ZSCAN30: variants seen among roughly 807,000 people sequenced by gnomAD.
The protein encoded by ZSCAN30 is zinc finger and SCAN domain-containing protein 30.
Under a neutral mutation model 44.3 loss-of-function variants are expected in ZSCAN30, and 37 were observed. The ratio of observed to expected loss-of-function variants is 0.84; its 90% CI spans 0.64 to 1.10. The LOEUF is 1.10. ZSCAN30 is among the 50% of genes least tolerant of loss of function. The pLI is 0.00. For synonymous variants in ZSCAN30, 181 were observed against 204.6 expected (o/e 0.88, Z 0.98); for missense variants, 549 against 582.6 (o/e 0.94, Z 0.59).
At chr18:35,273,154 C>T (rs1341027655) in intron 1 of ZSCAN30, among the ~76,000 whole-genome samples, 1 of 152,194 alleles carries the variant, frequency 6.6e-6, no homozygotes, top group Non-Finnish European at 1.5e-5. Context: ...ACTTTTTTAT[C>T]TTCCCAAACT....
chr18:35,267,140 G>A (rs1233603748), intron 1 of ZSCAN30: 1 of 152,240 alleles, frequency 6.6e-6, no homozygotes, highest in Non-Finnish European at 1.5e-5. Flanking sequence ...GGAGCCAAGA[G>A]GAAGGCTGAG....
At chr18:35,274,751 C>A (rs1356844920) in intron 1 of ZSCAN30, among the ~76,000 whole-genome samples, 1 of 152,102 alleles carries the variant, frequency 6.6e-6, no homozygotes, top group Non-Finnish European at 1.5e-5. Flanking sequence ...TTCTGTACTA[C>A]CTTGACAGTT....
intron 1 of ZSCAN30, among the ~76,000 whole-genome samples, chr18:35,287,941 C>G (rs912602291): frequency 2.0e-5 from 3 of 150,694 alleles, no homozygotes; most frequent in Non-Finnish European, 4.4e-5. Flanking sequence ...GGCATGATCA[C>G]CACCCACTGC....
intron 3 of ZSCAN30, chr18:35,257,508 G>C (rs1038944605): frequency 9.6e-6 from 2 of 208,274 alleles, no homozygotes; most frequent in Admixed American, 1.1e-4. Flanking sequence ...CACCACGTGA[G>C]GACACAGTGA....
At chr18:35,265,807 T>G (rs916643801) in intron 1 of ZSCAN30, among the ~76,000 whole-genome samples, 2 of 152,070 alleles carry the variant, frequency 1.3e-5, no homozygotes, top group Non-Finnish European at 2.9e-5. Context: ...AAGCAACACG[T>G]AAACACAGTG....
intron 1 of ZSCAN30, among the ~76,000 whole-genome samples, chr18:35,275,674 G>T (rs556997303): frequency 4.6e-5 from 7 of 152,004 alleles, no homozygotes; most frequent in Admixed American, 1.3e-4. Flanking sequence ...CTCTCTCCTG[G>T]ATTCTTCCTG....
At chr18:35,254,687 A>C in intron 3 of ZSCAN30, 1 of 449,054 alleles carries the variant, frequency 2.2e-6, no homozygotes, top group Non-Finnish European at 4.0e-6. Flanking sequence ...GCTAGGAGAC[A>C]ATCTTGGGTT....
At chr18:35,273,630 G>A (rs2044322279) in intron 1 of ZSCAN30, among the ~76,000 whole-genome samples, 1 of 152,148 alleles carries the variant, frequency 6.6e-6, no homozygotes, top group Non-Finnish European at 1.5e-5. Flanking sequence ...TTCCACCATT[G>A]AATGGTCTTA....
intron 1 of ZSCAN30, among the ~76,000 whole-genome samples, chr18:35,276,135 T>C (rs1005006248): frequency 2.6e-5 from 4 of 152,224 alleles, no homozygotes; most frequent in African/African-American, 7.2e-5. Flanking sequence ...CTGATTTGGA[T>C]ATCAAAGTAA....
rs1011030697 is a variant in ZSCAN30 at position 35,281,507 on chromosome 18, T to C, written c.-104+8577A>G. On this transcript the variant is annotated intron_variant, in intron 1 of 3. Transcript: ENST00000333206. Reference sequence around the variant, plus strand: ...AAAATCTACATTCATATCATCACTTTTGGGTAAAAGGTTAACAAAACACTT... The same window carrying C: ...AAAATCTACATTCATATCATCACTTCTGGGTAAAAGGTTAACAAAACACTT... 2.0e-5 allele frequency: 3 copies of C among 152,226 alleles called. No homozygotes were observed. The South Asian group carries it at 6.2e-4, about 32-fold the overall frequency. The allele number at this position is 152,226 out of a possible 1,614,324, so 9.4% of individuals were successfully genotyped here. A position where few individuals can be genotyped will look rare whatever the true frequency, so the allele number is the denominator to read the frequency against.
intron 1 of ZSCAN30, among the ~76,000 whole-genome samples, chr18:35,275,964 T>G (rs2044359981): frequency 6.6e-6 from 1 of 152,246 alleles, no homozygotes; most frequent in Non-Finnish European, 1.5e-5. Flanking sequence ...GATATGGATT[T>G]GGTTGATTTT....
At chr18:35,271,133 C>CA (rs1444522074) in intron 1 of ZSCAN30, among the ~76,000 whole-genome samples, 2 of 151,996 alleles carry the variant, frequency 1.3e-5, no homozygotes, top group Non-Finnish European at 2.9e-5. Flanking sequence ...TTGCAAAAAG[C>CA]AAAAAAACCC....
intron 1 of ZSCAN30, among the ~76,000 whole-genome samples, chr18:35,265,883 G>T (rs545003946): frequency 6.6e-6 from 1 of 152,234 alleles, no homozygotes; most frequent in East Asian, 1.9e-4. Context: ...CCAAGACCAA[G>T]GAGAAAGGGA....
chr18:35,274,817 G>A (rs1266211042), intron 1 of ZSCAN30, among the ~76,000 whole-genome samples: 2 of 152,182 alleles, frequency 1.3e-5, no homozygotes, highest in Non-Finnish European at 2.9e-5. Flanking sequence ...TTGTCCTTAA[G>A]GGAAGTGTGA....
intron 3 of ZSCAN30, chr18:35,263,108 G>A: frequency 5.9e-6 from 2 of 336,178 alleles, no homozygotes; most frequent in Non-Finnish European, 1.2e-5. Context: ...AGGCATGGTG[G>A]TGTACAACTG....
intron 3 of ZSCAN30, chr18:35,261,797 G>A (rs185574546): frequency 6.6e-6 from 1 of 152,340 alleles, no homozygotes; most frequent in African/African-American, 2.4e-5. Flanking sequence ...TTGGGGCTGA[G>A]ACGATAGGGT....
chr18:35,254,153 G>T lies in ZSCAN30; in HGVS notation c.782C>A (p.Thr261Asn). The T allele has an allele frequency of 6.2e-7, 1 of 1,614,176 alleles. No individual in the cohort carries two copies. ...TTCTGTGGGGATTCTTCTGTTGAAG[G>T]TTGCCAGACTGAAATGTCTGTCCTG... ...PSQDRHFSLA[T>N]FNRRIPTEHS... Residue 261 changes from threonine to asparagine, a missense_variant, in exon 4 of 4, where the codon ACC becomes AAC. By Grantham distance (65) the Thr-to-Asn change is moderately conservative (BLOSUM62 0). Transcript: ENST00000333206.
intron 3 of ZSCAN30, chr18:35,263,288 G>A (rs545894298): frequency 4.7e-5 from 24 of 511,064 alleles, no homozygotes; most frequent in Non-Finnish European, 6.8e-5. Flanking sequence ...ATAATTATGG[G>A]TATTAGAGAA....
chr18:35,254,381 T>C lies in ZSCAN30; in HGVS notation c.554A>G (p.Asp185Gly), dbSNP rs746126606. ...TQESQAFQER[D>G]GRMVAGKVLM... ...CACTTTGCCAGCCACCATCCTGCCA[T>C]CTAAAAATGTGAATAGAAAGTGTAA... The change falls in exon 4 of 4, where the codon GAT becomes GGT. Residue 185 changes from aspartate (D) to glycine (G), a missense_variant and splice_region_variant. Coordinates refer to ENST00000333206, the MANE Select transcript of ZSCAN30 (RefSeq NM_001112734.4). 1 of 1,613,990 alleles carries C rather than the reference T, an allele frequency of 6.2e-7. No individual in the cohort carries two copies. The highest frequency in any genetic ancestry group is 8.5e-7 in the Non-Finnish European group (1 of 1,179,908).
Sources: allele counts gnomAD v4.1 joint callset (sites outside exome capture counted in the v4.1 genomes callset), GRCh38; gene constraint gnomAD v4.1.1; transcripts MANE v1.5; gene names NCBI Gene and HGNC (gene_info 2026-07-23, HGNC 2026-07-21).